ZBTB40: variants seen among roughly 807,000 people sequenced by gnomAD.
ZBTB40 encodes the protein zinc finger and BTB domain containing 40.
ZBTB40 carries 60 observed loss-of-function variants against 117.5 expected under a neutral mutation model. The ratio of observed to expected loss-of-function variants is 0.51; its 90% CI spans 0.41 to 0.63. ZBTB40 has a LOEUF of 0.63. ZBTB40 is among the 30% of genes least tolerant of loss of function. The pLI, the probability that ZBTB40 is intolerant of heterozygous loss-of-function variation, is 0.00. For synonymous variants in ZBTB40, 525 were observed against 577.1 expected (o/e 0.91, Z 1.29); for missense variants, 1,287 against 1,498.5 (o/e 0.86, Z 2.33).
chr1:22,523,986 C>A (rs1177113981), intron 16 of ZBTB40, among the ~76,000 whole-genome samples: 1 of 152,222 alleles, frequency 6.6e-6, no homozygotes, highest in Non-Finnish European at 1.5e-5. Context: ...AAACTGTCAT[C>A]TCAGGGCCCC....
chr1:22,454,865 A>T (rs1047039225), intron 1 of ZBTB40, among the ~76,000 whole-genome samples: 5 of 152,266 alleles, frequency 3.3e-5, no homozygotes, highest in Non-Finnish European at 7.3e-5. Context: ...CATATTGCTG[A>T]ATAACCAAAT....
chr1:22,434,047 A>G (rs888030878), intron 1 of ZBTB40, among the ~76,000 whole-genome samples: 1 of 152,202 alleles, frequency 6.6e-6, no homozygotes, highest in Admixed American at 6.5e-5. Context: ...TAATCTGCAT[A>G]GGGATCGTAG....
intron 1 of ZBTB40, among the ~76,000 whole-genome samples, chr1:22,432,658 G>A (rs1250517366): frequency 6.6e-6 from 1 of 152,154 alleles, no homozygotes; most frequent in Non-Finnish European, 1.5e-5. Flanking sequence ...CAGATTCCCT[G>A]TTCAGATTTC....
At position 22,529,901 on chromosome 1, in the gene ZBTB40, C is replaced by G. The variant is rs1342469151; in HGVS notation, c.*3505C>G. On this transcript the variant is annotated 3_prime_UTR_variant, in exon 18 of 18. Transcript: ENST00000375647. ...CAGACAGTGGGGAGACAGGTCCCTG[C>G]CCTTTATTTGCGGGATCAATCAGGG... 6.6e-6 allele frequency: 1 copy of G among 151,938 alleles called. No homozygotes were observed. Among genetic ancestry groups the G allele is most frequent in the Non-Finnish European group, 1.5e-5 (1 of 68,010 alleles). 9.4% of individuals were successfully genotyped at this position (151,938 alleles called of 1,614,324 possible).
At chr1:22,509,818 T>C (rs1639183498) in intron 9 of ZBTB40, among the ~76,000 whole-genome samples, 1 of 152,196 alleles carries the variant, frequency 6.6e-6, no homozygotes, top group Non-Finnish European at 1.5e-5. Context: ...GAGGAGATGA[T>C]GTCAGGATTT....
intron 1 of ZBTB40, among the ~76,000 whole-genome samples, chr1:22,445,854 C>A (rs1386847694): frequency 1.1e-4 from 12 of 109,274 alleles, no homozygotes; most frequent in African/African-American, 2.7e-4. Context: ...GACTCCGTCT[C>A]AAAAAAAAAA....
intron 1 of ZBTB40, among the ~76,000 whole-genome samples, chr1:22,473,043 G>C (rs1255840031): frequency 6.6e-6 from 1 of 152,188 alleles, no homozygotes; most frequent in Non-Finnish European, 1.5e-5. Context: ...AGGGATTTGA[G>C]GGTGACTTGT....
intron 10 of ZBTB40, 117 bp from the exon 11 acceptor site, chr1:22,511,559 A>G (rs1002856086): frequency 3.1e-5 from 39 of 1,272,526 alleles, no homozygotes; most frequent in Non-Finnish European, 4.0e-5. Context: ...ATTACTTCAG[A>G]GTGTTTTTGA....
chr1:22,497,149 C>T (rs544274363), intron 3 of ZBTB40, among the ~76,000 whole-genome samples: 6 of 152,312 alleles, frequency 3.9e-5, no homozygotes, highest in African/African-American at 1.2e-4. Flanking sequence ...ATTGTGTATA[C>T]AGCAAAGTGG....
At chr1:22,502,572 A>G (rs890686381) in intron 5 of ZBTB40, 131 bp downstream of exon 5, 10 of 1,276,482 alleles carry the variant, frequency 7.8e-6, no homozygotes, top group Non-Finnish European at 1.1e-5. Flanking sequence ...CTCGAAGTCA[A>G]GGTGCTTGTT....
At chr1:22,462,493 G>A (rs777881380) in intron 1 of ZBTB40, among the ~76,000 whole-genome samples, 2 of 152,178 alleles carry the variant, frequency 1.3e-5, no homozygotes, top group African/African-American at 4.8e-5. Flanking sequence ...CCTCTCAAAC[G>A]CATTCTTCTT....
At chr1:22,493,994 AG>A (rs1427373487) in intron 3 of ZBTB40, among the ~76,000 whole-genome samples, 1 of 152,138 alleles carries the variant, frequency 6.6e-6, no homozygotes, top group Non-Finnish European at 1.5e-5. Context: ...GTTTGTAAAA[AG>A]GGGATACTAT....
chr1:22,524,175 A>AATTTTACCCACAGC, intron 16 of ZBTB40, 43 bp from the exon 17 acceptor site: 1 of 1,590,526 alleles, frequency 6.3e-7, no homozygotes, highest in East Asian at 2.2e-5. Context: ...TTACCCAGAG[A>AATTTTACCCACAGC]ATTTTACCCA....
chr1:22,531,146 G>C lies in ZBTB40; in HGVS notation c.*4750G>C, dbSNP rs775713073. 6.6e-6 allele frequency: 1 copy of C among 152,204 alleles called. No individual in the cohort carries two copies. The highest frequency in any genetic ancestry group is 1.5e-5 in the Non-Finnish European group (1 of 68,002). The allele number at this position is 152,204 out of a possible 1,614,324, so 9.4% of individuals were successfully genotyped here. A position where few individuals can be genotyped will look rare whatever the true frequency, so the allele number is the denominator to read the frequency against. On this transcript the variant is annotated 3_prime_UTR_variant, in exon 18 of 18. Transcript: ENST00000375647. ...TTAGCTTTTATTAATAAAAGTTTTT[G>C]GCATACAAGTCAACTATTCCCTGCA...
chr1:22,465,188 G>C (rs891686900), intron 1 of ZBTB40, among the ~76,000 whole-genome samples: 1 of 152,160 alleles, frequency 6.6e-6, no homozygotes, highest in Admixed American at 6.5e-5. Flanking sequence ...CCCTGGAGAG[G>C]GTAGCTCCTC....
intron 14 of ZBTB40, among the ~76,000 whole-genome samples, 192 bp from the exon 15 acceptor site, chr1:22,521,304 G>A (rs12754103): frequency 0.29 from 43,452 of 152,160 alleles, 7,652 homozygotes; most frequent in East Asian, 0.46. Context: ...GCTTCTCAAT[G>A]AATATGTAGT....
At chr1:22,443,086 T>C (rs187980117) in intron 1 of ZBTB40, among the ~76,000 whole-genome samples, 30 of 152,312 alleles carry the variant, frequency 2.0e-4, no homozygotes, top group African/African-American at 7.0e-4. Flanking sequence ...AAAATAATCA[T>C]TTCAAAATAC....
chr1:22,515,441 G>A (rs189896013), intron 12 of ZBTB40, among the ~76,000 whole-genome samples: 11 of 152,332 alleles, frequency 7.2e-5, no homozygotes, highest in African/African-American at 2.6e-4. Flanking sequence ...CATTCTGGAG[G>A]ATAGCAATCC....
At chr1:22,487,092 T>G (rs774959594) in intron 1 of ZBTB40, among the ~76,000 whole-genome samples, 14 of 152,206 alleles carry the variant, frequency 9.2e-5, no homozygotes, top group Non-Finnish European at 1.8e-4. Flanking sequence ...TCTCTAATTT[T>G]AGGAACAGTG....
Sources: gnomAD v4.1 joint callset for allele counts (sites outside exome capture counted in the v4.1 genomes callset) on GRCh38, gnomAD v4.1.1 for gene constraint, MANE v1.5 for transcripts, NCBI Gene and HGNC (gene_info 2026-07-23, HGNC 2026-07-21) for gene names.